SLCO1B1: variants seen among roughly 807,000 people sequenced by gnomAD.
SLCO1B1 encodes OATP-2.
SLCO1B1 carries 81 observed loss-of-function variants against 70.1 expected under a neutral mutation model. The ratio of observed to expected loss-of-function variants is 1.16; its 90% CI spans 0.97 to 1.39. SLCO1B1 has a LOEUF of 1.39. SLCO1B1 is among the 40% of genes most tolerant of loss of function. The pLI is 0.00. For missense variants in SLCO1B1, 895 were observed against 799.6 expected (o/e 1.12, Z -1.44); for synonymous variants, 283 against 271.5 (o/e 1.04, Z -0.42).
At chr12:21,178,242 C>G (rs1940844807) in intron 5 of SLCO1B1, among the ~76,000 whole-genome samples, 3 of 151,990 alleles carry the variant, frequency 2.0e-5, no homozygotes. Context: ...TGAGAGTTCC[C>G]CTGCAAAAGC....
intron 7 of SLCO1B1, among the ~76,000 whole-genome samples, chr12:21,196,497 G>A (rs1051021620): frequency 8.5e-5 from 13 of 152,094 alleles, no homozygotes; most frequent in Non-Finnish European, 1.3e-4. Flanking sequence ...TTCAGGCATG[G>A]TGGGAAGCCC....
At chr12:21,184,427 A>G (rs1591812644) in intron 7 of SLCO1B1, among the ~76,000 whole-genome samples, 1 of 152,110 alleles carries the variant, frequency 6.6e-6, no homozygotes, top group Non-Finnish European at 1.5e-5. Flanking sequence ...TTGAGCAAAA[A>G]CCATACAAGC....
chr12:21,183,733 C>T (rs746951938), intron 7 of SLCO1B1, among the ~76,000 whole-genome samples: 2 of 152,068 alleles, frequency 1.3e-5, no homozygotes, highest in African/African-American at 4.8e-5. Context: ...AGCTCTCCAG[C>T]GATGGTTCTT....
intron 2 of SLCO1B1, among the ~76,000 whole-genome samples, chr12:21,157,438 T>C (rs1213685505): frequency 1.3e-5 from 2 of 152,228 alleles, no homozygotes; most frequent in East Asian, 1.9e-4. Context: ...TTTATAATCA[T>C]ACATTCAATT....
intron 7 of SLCO1B1, among the ~76,000 whole-genome samples, chr12:21,185,179 A>G (rs1461965157): frequency 6.6e-6 from 1 of 150,564 alleles, no homozygotes. Flanking sequence ...AGACTTCAAC[A>G]ACTCACTGAC....
At chr12:21,136,588 C>G (rs1390142952) in intron 1 of SLCO1B1, among the ~76,000 whole-genome samples, 2 of 152,170 alleles carry the variant, frequency 1.3e-5, no homozygotes, top group Non-Finnish European at 1.5e-5. Context: ...ATTTCGTCTT[C>G]CATCACTGAT....
intron 7 of SLCO1B1, among the ~76,000 whole-genome samples, chr12:21,188,329 C>T (rs1940986789): frequency 6.6e-6 from 1 of 152,066 alleles, no homozygotes; most frequent in Admixed American, 6.6e-5. Flanking sequence ...TATGATGGTC[C>T]ACTTCAACTT....
At chr12:21,222,582 G>C (rs1488990627) in intron 13 of SLCO1B1, among the ~76,000 whole-genome samples, 1 of 151,410 alleles carries the variant, frequency 6.6e-6, no homozygotes, top group Non-Finnish European at 1.5e-5. Context: ...AAAATTGAGT[G>C]ATGGACCTAA....
At chr12:21,238,459 CT>C (rs1407889581) in intron 14 of SLCO1B1, among the ~76,000 whole-genome samples, 2 of 151,656 alleles carry the variant, frequency 1.3e-5, no homozygotes, top group African/African-American at 4.8e-5. Context: ...TTACTTATTC[CT>C]TTCAATCTAT....
chr12:21,167,254 A>G (rs1940696753), intron 2 of SLCO1B1, among the ~76,000 whole-genome samples: 1 of 152,214 alleles, frequency 6.6e-6, no homozygotes. Context: ...ATGACATTTT[A>G]TTTACAAATT....
At chr12:21,186,814 G>T (rs1219237147) in intron 7 of SLCO1B1, among the ~76,000 whole-genome samples, 1 of 151,972 alleles carries the variant, frequency 6.6e-6, no homozygotes, top group Non-Finnish European at 1.5e-5. Context: ...TATAAGAAAG[G>T]CATAACCACA....
intron 8 of SLCO1B1, among the ~76,000 whole-genome samples, chr12:21,198,862 G>A (rs1941125265): frequency 6.6e-6 from 1 of 151,946 alleles, no homozygotes; most frequent in Non-Finnish European, 1.5e-5. Context: ...TGACTATACA[G>A]AAGTTTACAC....
At chr12:21,132,115 T>C (rs976336722) in intron 1 of SLCO1B1, among the ~76,000 whole-genome samples, 2 of 152,012 alleles carry the variant, frequency 1.3e-5, no homozygotes, top group Admixed American at 1.3e-4. Flanking sequence ...CGATAGTTTG[T>C]TGAGAATGAT....
At chr12:21,187,459 C>T (rs1028963616) in intron 7 of SLCO1B1, among the ~76,000 whole-genome samples, 1 of 152,010 alleles carries the variant, frequency 6.6e-6, no homozygotes, top group Non-Finnish European at 1.5e-5. Flanking sequence ...CCCATAAGTT[C>T]AACATCAAAG....
intron 11 of SLCO1B1, among the ~76,000 whole-genome samples, chr12:21,209,521 G>A (rs1444151313): frequency 3.3e-5 from 5 of 152,056 alleles, no homozygotes; most frequent in African/African-American, 4.8e-5. Flanking sequence ...ATAAACATAC[G>A]TGTGCATGTG....
chr12:21,205,035 C>T (rs1040718617), intron 10 of SLCO1B1, among the ~76,000 whole-genome samples: 2 of 151,804 alleles, frequency 1.3e-5, no homozygotes, highest in African/African-American at 4.8e-5. Context: ...GCAGAATATG[C>T]TTTTTAATAA....
At chr12:21,231,019 G>T (rs1183994987) in intron 14 of SLCO1B1, among the ~76,000 whole-genome samples, 1 of 126,670 alleles carries the variant, frequency 7.9e-6, no homozygotes, top group Admixed American at 1.1e-4. Context: ...TCCCCTTCCT[G>T]TGTCCAAGTG....
At chr12:21,228,093 T>A (rs11045876) in intron 14 of SLCO1B1, among the ~76,000 whole-genome samples, 77,553 of 151,810 alleles carry the variant, frequency 0.51, 20,345 homozygotes, top group East Asian at 0.73. Context: ...ATCCCAAGAC[T>A]TTAAGATTTA....
chr12:21,143,991 A>C (rs192207397), intron 2 of SLCO1B1, among the ~76,000 whole-genome samples: 1 of 148,624 alleles, frequency 6.7e-6, no homozygotes, highest in Non-Finnish European at 1.5e-5. Context: ...AAATACAAAC[A>C]AAACTTTGAG....
Sources: allele counts gnomAD v4.1 joint callset (sites outside exome capture counted in the v4.1 genomes callset), GRCh38; gene constraint gnomAD v4.1.1; transcripts MANE v1.5; gene names NCBI Gene and HGNC (gene_info 2026-07-23, HGNC 2026-07-21).